The following LETM1 variants were observed in gnomAD, a reference collection of about 807,000 sequenced individuals.
The protein encoded by LETM1 is leucine zipper and EF-hand containing transmembrane protein 1.
In LETM1, 50 loss-of-function variants were observed where a neutral mutation model predicts 74.5. The observed-to-expected ratio is 0.67, with a 90% CI of 0.53 to 0.85. LETM1 has a LOEUF of 0.85. Among genes scored for constraint, LETM1 ranks in the 40% least tolerant of loss-of-function variants. The probability of loss-of-function intolerance (pLI) is 0.00; values close to 1 mark genes in which losing one functional copy is unlikely to be tolerated. For missense variants in LETM1, 824 were observed against 967.8 expected (o/e 0.85, Z 1.97); for synonymous variants, 446 against 407.1 (o/e 1.10, Z -1.15).
rs1722551369 is a variant in LETM1 at position 1,814,444 on chromosome 4, CCTCCTTCTCTGCCTTCTCTTTGGCCTT to C, written c.2173_2199del (p.Lys725_Glu733del). 1 of 1,614,008 alleles carries C rather than the reference CCTCCTTCTCTGCCTTCTCTTTGGCCTT, an allele frequency of 6.2e-7. No homozygotes were observed. The highest frequency in any genetic ancestry group is 8.5e-7 in the Non-Finnish European group (1 of 1,179,924). On this transcript the variant is annotated inframe_deletion, in exon 14 of 14. Transcript: ENST00000302787. ...TGGTTCTAGCTCTTCACCTCTGCGACCTCCTTCTCTGCCTTCTCTTTGGCCTTCTCCTTCTCCTCCACCTTCTCCTCT... is the reference window on the plus strand; with the variant it reads ...TGGTTCTAGCTCTTCACCTCTGCGACCTCCTTCTCCTCCACCTTCTCCTCT...
rs186490954 is a variant in LETM1 at position 1,833,184 on chromosome 4, G to C, written c.877-237C>G. The C allele has an allele frequency of 2.5e-3, 1,308 of 523,534 alleles. 16 individuals are homozygous for C. Among genetic ancestry groups the C allele is most frequent in the African/African-American group, 0.023 (1,195 of 52,306 alleles). The allele number at this position is 523,534 out of a possible 1,614,324, so 32.4% of individuals were successfully genotyped here. A position where few individuals can be genotyped will look rare whatever the true frequency, so the allele number is the denominator to read the frequency against. On this transcript the variant is annotated intron_variant, in intron 5 of 13. Transcript: ENST00000302787. ...CCTCCTGGGTTCAAGGGATTCTCCT[G>C]CCTTAGCCTCCCGAGTAGCTGGGAT...
chr4:1,823,549 T>C lies in LETM1; in HGVS notation c.1332+95A>G, dbSNP rs1577312889. 14 of 1,501,330 alleles carry C rather than the reference T, an allele frequency of 9.3e-6. No homozygotes were observed. The East Asian group carries it at 3.2e-4, about 34-fold the overall frequency. 93.0% of individuals were successfully genotyped at this position (1,501,330 alleles called of 1,614,324 possible). A position where few individuals can be genotyped will look rare whatever the true frequency, so the allele number is the denominator to read the frequency against. On this transcript the variant is annotated intron_variant, in intron 8 of 13. Transcript: ENST00000302787. ...GGGAGGCAGGCTCCTCGCCCATGGT[T>C]GAGGAATGAGTGCGCTTGCACACCT...
In LETM1 at chr4:1,855,971, C is replaced by T; in HGVS notation, c.-21G>A. ...GCCATGTGCTCGGGCGCGGCGGCCG[C>T]TCCGGCCTCCTGCGCTGCCTCCTTC... On this transcript the variant is annotated 5_prime_UTR_variant, in exon 1 of 14. Transcript: ENST00000302787. The T allele has an allele frequency of 8.3e-7, 1 of 1,201,718 alleles. No homozygotes were observed. Among genetic ancestry groups the T allele is most frequent in the East Asian group, 3.4e-5 (1 of 28,998 alleles). The allele number at this position is 1,201,718 out of a possible 1,614,324, so 74.4% of individuals were successfully genotyped here. A position where few individuals can be genotyped will look rare whatever the true frequency, so the allele number is the denominator to read the frequency against.
intron 6 of LETM1, among the ~76,000 whole-genome samples, chr4:1,827,880 C>G (rs567855965): frequency 1.5e-3 from 231 of 150,950 alleles, no homozygotes; most frequent in Non-Finnish European, 2.8e-3. Context: ...CAGAGGCGCC[C>G]CCCCCACCTC....
At chr4:1,819,566 C>G (rs191519261) in intron 10 of LETM1, 94 bp from the exon 11 acceptor site, 8 of 1,385,766 alleles carry the variant, frequency 5.8e-6, no homozygotes, top group Non-Finnish European at 7.8e-6. Context: ...ATTATACGGG[C>G]AGCCCAGGGC....
intron 3 of LETM1, 35 bp downstream of exon 3, chr4:1,841,312 G>C: frequency 6.3e-7 from 1 of 1,579,260 alleles, no homozygotes; most frequent in Non-Finnish European, 8.7e-7. Context: ...GATAGAGCAA[G>C]AAAGAAAAGA....
rs373654818 is a variant in LETM1, at chr4:1,816,809, C to T, written c.1849G>A (p.Gly617Arg). The change falls in exon 12 of 14, where the codon GGG becomes AGG. Residue 617 changes from glycine to arginine, a missense_variant. By Grantham distance (125) the Gly-to-Arg change is moderately radical. Around this residue, in one of 4 missense-constraint regions of LETM1, gnomAD observed 161 missense variants for 252.7 expected, o/e 0.64. Transcript: ENST00000302787. ...TGCGAGATCAAGCCATCGATCTGCC[C>T]GATCATTTGCTGCACCCTTTTTGTC... is the stretch of plus-strand genomic sequence containing the variant. ...RLTKRVQQMI[G>R]QIDGLISQLE... 37 of 1,614,194 alleles carry T rather than the reference C, an allele frequency of 2.3e-5. No individual in the cohort carries two copies. Among genetic ancestry groups the T allele is most frequent in the Admixed American group, 1.2e-4 (7 of 60,032 alleles).
intron 5 of LETM1, chr4:1,833,345 C>T (rs1415591450): frequency 7.7e-6 from 2 of 261,388 alleles, no homozygotes; most frequent in African/African-American, 2.2e-5. Flanking sequence ...TGACTTCTGA[C>T]TCCGGTGCTG....
chr4:1,822,480 G>T (rs550591401), intron 9 of LETM1, 168 bp from the exon 10 acceptor site: 2 of 701,442 alleles, frequency 2.9e-6, no homozygotes, highest in Non-Finnish European at 4.0e-6. Flanking sequence ...CCATGCAGCT[G>T]CCAGGTCACC....
intron 6 of LETM1, among the ~76,000 whole-genome samples, chr4:1,829,452 C>T (rs962862714): frequency 6.6e-6 from 1 of 152,258 alleles, no homozygotes; most frequent in African/African-American, 2.4e-5. Context: ...AATAATGCTC[C>T]ACTTCCTCTG....
intron 6 of LETM1, among the ~76,000 whole-genome samples, chr4:1,826,324 T>C (rs1014176701): frequency 2.0e-5 from 3 of 152,130 alleles, no homozygotes; most frequent in African/African-American, 7.2e-5. Flanking sequence ...CCCTGTGGGG[T>C]AGACAGTACC....
chr4:1,838,191 CCG>C (rs1712522645), intron 3 of LETM1, among the ~76,000 whole-genome samples: 1 of 151,898 alleles, frequency 6.6e-6, no homozygotes, highest in African/African-American at 2.4e-5. Flanking sequence ...CCTCTGCCTC[CCG>C]AGTTCAAGTG....
chr4:1,849,533 G>C (rs1712998748), intron 1 of LETM1, among the ~76,000 whole-genome samples: 1 of 152,150 alleles, frequency 6.6e-6, no homozygotes, highest in Non-Finnish European at 1.5e-5. Flanking sequence ...CTCCCAAAGT[G>C]CTGGGATTAC....
At chr4:1,852,875 C>T (rs1464772084) in intron 1 of LETM1, among the ~76,000 whole-genome samples, 3 of 152,152 alleles carry the variant, frequency 2.0e-5, no homozygotes, top group Non-Finnish European at 4.4e-5. Context: ...AAAAGACACT[C>T]CCATCATTCA....
chr4:1,832,551 C>A (rs1444052436), intron 6 of LETM1, among the ~76,000 whole-genome samples, 193 bp downstream of exon 6: 1 of 152,176 alleles, frequency 6.6e-6, no homozygotes, highest in Non-Finnish European at 1.5e-5. Flanking sequence ...GAGAGATCAT[C>A]CGAGAAGGTG....
At chr4:1,847,259 T>G (rs1222871886) in intron 2 of LETM1, among the ~76,000 whole-genome samples, 1 of 152,038 alleles carries the variant, frequency 6.6e-6, no homozygotes, top group African/African-American at 2.4e-5. Context: ...GAGAATGGCT[T>G]GAGCCTGGGA....
At chr4:1,850,735 C>T (rs1169284956) in intron 1 of LETM1, among the ~76,000 whole-genome samples, 2 of 151,230 alleles carry the variant, frequency 1.3e-5, no homozygotes, top group African/African-American at 4.9e-5. Context: ...GAGGCTGAGG[C>T]GGGTGGATCA....
At chr4:1,850,351 C>G (rs1314988165) in intron 1 of LETM1, among the ~76,000 whole-genome samples, 1 of 152,020 alleles carries the variant, frequency 6.6e-6, no homozygotes, top group Non-Finnish European at 1.5e-5. Context: ...TCCAGACACC[C>G]CAAGAGGGAA....
At chr4:1,829,042 G>A (rs1712150674) in intron 6 of LETM1, among the ~76,000 whole-genome samples, 1 of 93,304 alleles carries the variant, frequency 1.1e-5, no homozygotes, top group Admixed American at 1.0e-4. Context: ...GGCGGGAGCT[G>A]ACCCCCCCAC....
Sources: allele counts gnomAD v4.1 joint callset (sites outside exome capture counted in the v4.1 genomes callset), GRCh38; gene constraint gnomAD v4.1.1; regional missense constraint gnomAD v4.1.1; transcripts MANE v1.5; gene names NCBI Gene and HGNC (gene_info 2026-07-23, HGNC 2026-07-21).